The following CCT2 variants were observed in gnomAD, a reference collection of about 807,000 sequenced individuals.
CCT2 encodes the protein chaperonin containing TCP1 subunit 2.
In CCT2, 18 loss-of-function variants were observed where a neutral mutation model predicts 61.8. The ratio of observed to expected loss-of-function variants is 0.29; its 90% CI spans 0.20 to 0.43. The LOEUF (loss-of-function observed/expected upper bound fraction) is 0.43, where lower values mean the gene tolerates loss of function less well. Among genes scored for constraint, CCT2 ranks in the 20% least tolerant of loss-of-function variants. CCT2 has a pLI of 1.00. For synonymous variants in CCT2, 248 were observed against 215.9 expected (o/e 1.15, Z -1.30); for missense variants, 556 against 656.9 (o/e 0.85, Z 1.68).
chr12:69,589,924 C>T (rs1272786514), intron 7 of CCT2, among the ~76,000 whole-genome samples: 1 of 152,166 alleles, frequency 6.6e-6, no homozygotes, highest in Non-Finnish European at 1.5e-5. Context: ...TATTTGCAGT[C>T]TCTGATAAAG....
intron 3 of CCT2, chr12:69,587,251 A>G (rs1881693811): frequency 4.9e-6 from 2 of 410,672 alleles, no homozygotes; most frequent in Non-Finnish European, 8.5e-6. Context: ...GGCTGTATTG[A>G]TAGTTTCTTT....
chr12:69,595,314 G>A (rs1040883484), intron 10 of CCT2, among the ~76,000 whole-genome samples: 1 of 152,106 alleles, frequency 6.6e-6, no homozygotes, highest in Non-Finnish European at 1.5e-5. Context: ...GAGCCATTGC[G>A]TACTTGATGC....
chr12:69,589,691 T>C lies in CCT2; in HGVS notation c.649+4T>C. ...GCAGATTCCTATTTAGATGAAGGTATGTATGAATGTCAGATACAAGAAGCT... is the reference window on the plus strand; with the variant it reads ...GCAGATTCCTATTTAGATGAAGGTACGTATGAATGTCAGATACAAGAAGCT... On this transcript the variant is annotated splice_donor_region_variant and intron_variant, in intron 7 of 15. Transcript: ENST00000299300. The C allele has an allele frequency of 6.2e-7, 1 of 1,605,152 alleles. No homozygotes were observed. The highest frequency in any genetic ancestry group is 8.5e-7 in the Non-Finnish European group (1 of 1,175,108).
intron 1 of CCT2, chr12:69,585,807 C>T: frequency 1.5e-6 from 2 of 1,364,176 alleles, no homozygotes; most frequent in Non-Finnish European, 1.9e-6. Flanking sequence ...GAAGAAATTT[C>T]TAGTGTGGGA....
Position 69,597,659 on chromosome 12 carries a change from T to G in CCT2, c.1124T>G (p.Leu375Trp). The G allele has an allele frequency of 6.2e-7, 1 of 1,613,946 alleles. No individual in the cohort carries two copies. The highest frequency in any genetic ancestry group is 8.5e-7 in the Non-Finnish European group (1 of 1,179,906). ...TTAGGTGAGGCTTGTACCATTGTTT[T>G]GCGTGGTGCCACTCAACAAATTTTA... Reference protein sequence around the residue: ...VALGEACTIVLRGATQQILDE... With the variant: ...VALGEACTIVWRGATQQILDE... Residue 375 changes from leucine (L) to tryptophan (W), a missense_variant, in exon 12 of 16, where the codon TTG becomes TGG. By Grantham distance (61) the Leu-to-Trp change is moderately conservative. This residue lies in a region of CCT2 where 225 missense variants were observed against 249.8 expected (regional missense o/e 0.90). Transcript: ENST00000299300.
intron 1 of CCT2, 43 bp downstream of exon 1, chr12:69,585,567 C>T (rs761999593): frequency 6.4e-7 from 1 of 1,563,106 alleles, no homozygotes; most frequent in Non-Finnish European, 8.7e-7. Flanking sequence ...CCTGCTCCGC[C>T]GTGCTCTTGC....
chr12:69,590,682 C>T (rs546841903), intron 7 of CCT2, among the ~76,000 whole-genome samples: 5 of 149,216 alleles, frequency 3.4e-5, no homozygotes, highest in Non-Finnish European at 5.9e-5. Context: ...TGAAAATACT[C>T]TTGATTAAGT....
intron 1 of CCT2, 90 bp downstream of exon 1, chr12:69,585,614 G>A: frequency 6.5e-7 from 1 of 1,548,176 alleles, no homozygotes; most frequent in Non-Finnish European, 8.7e-7. Context: ...AGGGTCGTAG[G>A]CTCCGTTTCT....
chr12:69,592,886 C>T (rs1881877201), intron 8 of CCT2, 90 bp from the exon 9 acceptor site: 6 of 1,244,066 alleles, frequency 4.8e-6, no homozygotes, highest in Middle Eastern at 2.3e-4. Context: ...CGAGATTGCC[C>T]CACTGCACTC....
rs545508221 is a variant in CCT2, at chr12:69,599,709, T to G, written c.1436-154T>G. ...GCCCCTTTTAATTTTTTTAAAGGCT[T>G]TCTTTGAGCTCATTTGTAGGCTTAT... On this transcript the variant is annotated intron_variant, in intron 14 of 15. Coordinates refer to ENST00000299300, the MANE Select transcript of CCT2 (RefSeq NM_006431.3). The G allele has an allele frequency of 9.4e-6, 5 of 531,180 alleles. No homozygotes were observed. In the East Asian group the frequency reaches 9.8e-5, roughly 10 times the overall value. The allele number at this position is 531,180 out of a possible 1,614,324, so 32.9% of individuals were successfully genotyped here.
intron 14 of CCT2, 71 bp downstream of exon 14, chr12:69,598,492 TGG>T: frequency 1.1e-6 from 1 of 946,128 alleles, no homozygotes; most frequent in South Asian, 1.9e-5. Flanking sequence ...TTTTTTCTTT[TGG>T]AACATAAAGA....
rs184684846 is a variant in CCT2 at position 69,596,207 on chromosome 12, T to G, written c.983-949T>G. Among the ~76,000 whole-genome samples, 17 of 152,226 alleles carry G rather than the reference T, an allele frequency of 1.1e-4. 1 individual carries two copies. The highest frequency in any genetic ancestry group is 6.8e-3 in the Middle Eastern group (2 of 294). On this transcript the variant is annotated intron_variant, in intron 10 of 15. Coordinates refer to ENST00000299300, the MANE Select transcript of CCT2 (RefSeq NM_006431.3). Reference sequence around the variant, plus strand: ...CTAGAACACAAAGCAGTCTCAGAATTTTGCCAGCCAAAAGTAAAAAGAACT... The same window carrying G: ...CTAGAACACAAAGCAGTCTCAGAATGTTGCCAGCCAAAAGTAAAAAGAACT...
intron 7 of CCT2, 122 bp downstream of exon 7, chr12:69,589,809 T>C (rs750103626): frequency 7.4e-5 from 55 of 741,006 alleles, no homozygotes; most frequent in East Asian, 1.6e-4. Context: ...TAAGGACATA[T>C]CATATGTGCA....
At chr12:69,589,838 T>C in intron 7 of CCT2, 151 bp downstream of exon 7, 1 of 637,322 alleles carries the variant, frequency 1.6e-6, no homozygotes, top group East Asian at 2.7e-5. Context: ...TGTCATTTTA[T>C]TGACAGTGTA....
intron 10 of CCT2, among the ~76,000 whole-genome samples, chr12:69,594,253 G>C (rs1016618926): frequency 6.6e-6 from 1 of 151,994 alleles, no homozygotes; most frequent in African/African-American, 2.4e-5. Flanking sequence ...TATCTAGTTC[G>C]TACATTTGTT....
chr12:69,587,438 C>A, intron 3 of CCT2, 67 bp from the exon 4 acceptor site: 1 of 885,666 alleles, frequency 1.1e-6, no homozygotes, highest in Non-Finnish European at 1.9e-6. Flanking sequence ...TGTGAGAATA[C>A]TGATTGATCC....
intron 8 of CCT2, chr12:69,592,410 G>A: frequency 4.6e-6 from 1 of 217,670 alleles, no homozygotes. Context: ...TTGAACCCAG[G>A]AGGCGGAGGT....
At position 69,601,394 on chromosome 12, in the gene CCT2, A is replaced by T; in HGVS notation, c.*69A>T. On this transcript the variant is annotated 3_prime_UTR_variant, in exon 16 of 16. Coordinates refer to ENST00000299300, the MANE Select transcript of CCT2 (RefSeq NM_006431.3). ...GTTGTGTTTGAAAGATACTCTATTA[A>T]AGAAGACTGTGGAATCTGTTTATCG... 6 of 1,613,646 alleles carry T rather than the reference A, an allele frequency of 3.7e-6. No homozygotes were observed. Among genetic ancestry groups the T allele is most frequent in the Non-Finnish European group, 5.1e-6 (6 of 1,179,826 alleles).
chr12:69,585,998 T>TTTAG, intron 1 of CCT2: 1 of 1,343,674 alleles, frequency 7.4e-7, no homozygotes, highest in Non-Finnish European at 9.5e-7. Context: ...CAAGATCGTC[T>TTTAG]TTAGTCTCGC....
Sources: gnomAD v4.1 joint callset for allele counts (sites outside exome capture counted in the v4.1 genomes callset) on GRCh38, gnomAD v4.1.1 for gene constraint, gnomAD v4.1.1 regional missense constraint, MANE v1.5 for transcripts, NCBI Gene and HGNC (gene_info 2026-07-23, HGNC 2026-07-21) for gene names.